The following KIF3A variants were observed in gnomAD, a reference collection of about 807,000 sequenced individuals.
KIF3A encodes kinesin family member 3A.
Under a neutral mutation model 92.6 loss-of-function variants are expected in KIF3A, and 27 were observed. The observed-to-expected ratio is 0.29, with a 90% CI of 0.21 to 0.40. KIF3A has a LOEUF of 0.40. KIF3A is among the 10% of genes least tolerant of loss of function. KIF3A has a pLI of 1.00. For synonymous variants in KIF3A, 250 were observed against 275.4 expected, an observed-to-expected ratio of 0.91 and a Z score of 0.92; for missense variants, 581 against 872.6, an observed-to-expected ratio of 0.67 and a Z score of 4.21.
chr5:132,696,979 C>T (rs1343455759), intron 18 of KIF3A, among the ~76,000 whole-genome samples: 1 of 152,206 alleles, frequency 6.6e-6, no homozygotes, highest in East Asian at 1.9e-4. Flanking sequence ...AAGTGAGCTG[C>T]ATGCTTGCCA....
intron 4 of KIF3A, among the ~76,000 whole-genome samples, chr5:132,724,649 G>A (rs1427520450): frequency 1.3e-5 from 2 of 151,364 alleles, no homozygotes; most frequent in African/African-American, 2.4e-5. Flanking sequence ...GTTGTGGGGT[G>A]GGAGGAGTGG....
rs544043351 is a variant in KIF3A, at chr5:132,723,299, C to T, written c.511-2585G>A. ...TTCGTCACAGAATTGGAAAAAACTACTTTAAAGTTCATATGGAACCAAAAA... is the reference window on the plus strand; with the variant it reads ...TTCGTCACAGAATTGGAAAAAACTATTTTAAAGTTCATATGGAACCAAAAA... On this transcript the variant is annotated intron_variant, in intron 4 of 18. Transcript: ENST00000403231. 3 of 152,316 alleles carry T rather than the reference C, an allele frequency of 2.0e-5. No homozygotes were observed. The South Asian group carries it at 6.2e-4, about 32-fold the overall frequency. The allele number at this position is 152,316 out of a possible 1,614,324, so 9.4% of individuals were successfully genotyped here.
chr5:132,690,819 C>A (rs368888925), downstream of KIF3A, among the ~76,000 whole-genome samples: 1 of 147,252 alleles, frequency 6.8e-6, no homozygotes, highest in African/African-American at 2.7e-5. Context: ...CCCAGCTACT[C>A]GGGAGGCTGA....
At chr5:132,691,759 A>T (rs1400544126), downstream of KIF3A, among the ~76,000 whole-genome samples, 1 of 151,230 alleles carries the variant, frequency 6.6e-6, no homozygotes, top group Non-Finnish European at 1.5e-5. Context: ...AAAATTAGCC[A>T]GGCATGGTGG....
At chr5:132,712,183 G>T (rs6864396) in intron 8 of KIF3A, among the ~76,000 whole-genome samples, 2 of 151,932 alleles carry the variant, frequency 1.3e-5, no homozygotes, top group African/African-American at 2.4e-5. Flanking sequence ...CCCAAAACTG[G>T]GTTTCTAAAT....
intron 1 of KIF3A, among the ~76,000 whole-genome samples, chr5:132,735,028 AC>A (rs1222538033): frequency 6.6e-6 from 1 of 152,180 alleles, no homozygotes; most frequent in Non-Finnish European, 1.5e-5. Context: ...CCTTAGTATT[AC>A]CTAACCTTAT....
At chr5:132,724,174 C>T (rs1225021354) in intron 4 of KIF3A, among the ~76,000 whole-genome samples, 4 of 152,098 alleles carry the variant, frequency 2.6e-5, no homozygotes, top group African/African-American at 4.8e-5. Flanking sequence ...TGTGGAGAAA[C>T]AGGAACACTT....
At chr5:132,723,403 T>G (rs1470132859) in intron 4 of KIF3A, 1 of 152,150 alleles carries the variant, frequency 6.6e-6, no homozygotes, top group Non-Finnish European at 1.5e-5. Flanking sequence ...CAAACTATAC[T>G]ACAAGGCTAC....
At position 132,695,708 on chromosome 5, in the gene KIF3A, T is replaced by C. The variant is rs942228140; in HGVS notation, c.*926A>G. On this transcript the variant is annotated 3_prime_UTR_variant, in exon 19 of 19. Coordinates refer to ENST00000403231, the MANE Select transcript of KIF3A (RefSeq NM_001300791.2). ...TTAAAGGCAAAGTATTTAAAAGATATTTTTCTTGCTTAGCTGTATTTTCTG... is the reference window on the plus strand; with the variant it reads ...TTAAAGGCAAAGTATTTAAAAGATACTTTTCTTGCTTAGCTGTATTTTCTG... 6.6e-6 allele frequency: 1 copy of C among 152,306 alleles called. No individual in the cohort carries two copies. The highest frequency in any genetic ancestry group is 1.5e-5 in the Non-Finnish European group (1 of 68,020). The allele number at this position is 152,306 out of a possible 1,614,324, so 9.4% of individuals were successfully genotyped here.
In KIF3A at chr5:132,692,799, T is replaced by C. The variant is rs568967901; in HGVS notation, c.*3835A>G. On this transcript the variant is annotated 3_prime_UTR_variant, in exon 19 of 19. Transcript: ENST00000403231. ...TAATTTTGGCCAGCATACAGTATTA[T>C]AGTAATGCTACTGAAGTTATTCATT... is the stretch of plus-strand genomic sequence containing the variant. The C allele has an allele frequency of 6.5e-6, 1 of 152,890 alleles. No homozygotes were observed. Among genetic ancestry groups the C allele is most frequent in the Non-Finnish European group, 1.5e-5 (1 of 68,044 alleles). 9.5% of individuals were successfully genotyped at this position (152,890 alleles called of 1,614,324 possible). A position where few individuals can be genotyped will look rare whatever the true frequency, so the allele number is the denominator to read the frequency against.
intron 18 of KIF3A, among the ~76,000 whole-genome samples, chr5:132,698,491 G>A (rs1266060667): frequency 6.6e-6 from 1 of 152,230 alleles, no homozygotes; most frequent in East Asian, 1.9e-4. Context: ...GGTTCTTGGG[G>A]CACCTGACAG....
chr5:132,706,492 C>G lies in KIF3A; in HGVS notation c.1301-33G>C, dbSNP rs1336828413. On this transcript the variant is annotated intron_variant, in intron 10 of 18. Transcript: ENST00000403231. Reference sequence around the variant, plus strand: ...TAAGAAGTAGTAAGCAAATCGCAGACAGGAAGCAATACGCACAGAGATGAG... The same window carrying G: ...TAAGAAGTAGTAAGCAAATCGCAGAGAGGAAGCAATACGCACAGAGATGAG... 3 of 1,533,278 alleles carry G rather than the reference C, an allele frequency of 2.0e-6. No individual in the cohort carries two copies. In the African/African-American group the frequency reaches 4.2e-5, roughly 21 times the overall value. 95.0% of individuals were successfully genotyped at this position (1,533,278 alleles called of 1,614,324 possible).
chr5:132,715,667 G>A (rs1453021200), intron 8 of KIF3A, 90 bp downstream of exon 8: 5 of 912,668 alleles, frequency 5.5e-6, no homozygotes, highest in Non-Finnish European at 5.0e-6. Context: ...GCTCAAAAAA[G>A]GTTTAATAGA....
intron 11 of KIF3A, among the ~76,000 whole-genome samples, chr5:132,704,865 T>C (rs1383215998): frequency 1.3e-5 from 2 of 151,880 alleles, no homozygotes; most frequent in East Asian, 3.8e-4. Flanking sequence ...CTGAGTATAT[T>C]TTTTCAGGAA....
chr5:132,719,694 G>A (rs1217110950), intron 5 of KIF3A, among the ~76,000 whole-genome samples: 1 of 151,914 alleles, frequency 6.6e-6, no homozygotes, highest in Non-Finnish European at 1.5e-5. Context: ...GTTTCACCAT[G>A]TTGGCCAGGC....
At chr5:132,724,794 A>AT (rs1293036294) in intron 4 of KIF3A, among the ~76,000 whole-genome samples, 7 of 17,180 alleles carry the variant, frequency 4.1e-4, no homozygotes, top group African/African-American at 1.6e-3. Context: ...AAGTATAATA[A>AT]AAAAAAAAAA....
Position 132,702,082 on chromosome 5 carries a change from T to C in KIF3A, c.1884+5A>G. On this transcript the variant is annotated splice_donor_5th_base_variant and intron_variant, in intron 15 of 18. Coordinates refer to ENST00000403231, the MANE Select transcript of KIF3A (RefSeq NM_001300791.2). The stretch of plus-strand genomic sequence containing the variant: ...ACTATCTCGGTCAGAGAACTTCCTT[T>C]TTACCTGATAATCCCGAGGTATAAA... 1 of 1,606,652 alleles carries C rather than the reference T, an allele frequency of 6.2e-7. No individual in the cohort carries two copies. The highest frequency in any genetic ancestry group is 8.5e-7 in the Non-Finnish European group (1 of 1,174,774).
intron 10 of KIF3A, among the ~76,000 whole-genome samples, chr5:132,707,514 T>C (rs1753261874): frequency 6.6e-6 from 1 of 152,210 alleles, no homozygotes; most frequent in East Asian, 1.9e-4. Context: ...AACAGAAAAC[T>C]AAATTGCAAC....
chr5:132,726,287 T>G (rs1053215495), intron 3 of KIF3A, 67 bp downstream of exon 3: 5 of 1,573,106 alleles, frequency 3.2e-6, no homozygotes, highest in Non-Finnish European at 4.4e-6. Flanking sequence ...TTTATAAAAT[T>G]TATACCTATG....
Sources: allele counts gnomAD v4.1 joint callset (sites outside exome capture counted in the v4.1 genomes callset), GRCh38; gene constraint gnomAD v4.1.1; transcripts MANE v1.5; gene names NCBI Gene and HGNC (gene_info 2026-07-23, HGNC 2026-07-21).